The following TLN2 variants were observed in gnomAD, a reference collection of about 807,000 sequenced individuals.
TLN2 encodes the protein talin-2.
TLN2 carries 118 observed loss-of-function variants against 294.7 expected under a neutral mutation model. The ratio of observed to expected loss-of-function variants is 0.40; its 90% CI spans 0.34 to 0.47. The LOEUF (loss-of-function observed/expected upper bound fraction) is 0.47. TLN2 is among the 20% of genes least tolerant of loss of function. The pLI, the probability that TLN2 is intolerant of heterozygous loss-of-function variation, is 0.84. For missense variants in TLN2, 3,083 were observed against 3,282.2 expected, an observed-to-expected ratio of 0.94 and a Z score of 1.48; for synonymous variants, 1,431 against 1,304.5, an observed-to-expected ratio of 1.10 and a Z score of -2.09.
At chr15:62,726,806 G>A (rs2060466382) in intron 27 of TLN2, among the ~76,000 whole-genome samples, 1 of 152,138 alleles carries the variant, frequency 6.6e-6, no homozygotes, top group Non-Finnish European at 1.5e-5. Context: ...TAGGTATTAT[G>A]ATCTCCTCAG....
chr15:62,715,728 A>C (rs2059727420), intron 22 of TLN2, among the ~76,000 whole-genome samples: 1 of 152,190 alleles, frequency 6.6e-6, no homozygotes, highest in Non-Finnish European at 1.5e-5. Context: ...ACATTTGGAT[A>C]CCATCTCGAC....
chr15:62,538,826 G>C (rs2041509097), intron 1 of TLN2, among the ~76,000 whole-genome samples: 1 of 152,064 alleles, frequency 6.6e-6, no homozygotes, highest in Admixed American at 6.6e-5. Context: ...CAATTTCTAA[G>C]AACAAATGGA....
At chr15:62,636,467 G>C (rs914108669) in intron 3 of TLN2, among the ~76,000 whole-genome samples, 8 of 152,170 alleles carry the variant, frequency 5.3e-5, no homozygotes, top group Non-Finnish European at 1.0e-4. Context: ...TTCTTGGTTT[G>C]TTTCAGTTCT....
At chr15:62,745,018 A>C (rs527880962) in intron 32 of TLN2, among the ~76,000 whole-genome samples, 11 of 152,264 alleles carry the variant, frequency 7.2e-5, no homozygotes, top group Admixed American at 6.5e-4. Context: ...GACTTGTGCT[A>C]AATAGGTAAT....
At chr15:62,492,749 A>G (rs2140412163) in intron 1 of TLN2, among the ~76,000 whole-genome samples, 1 of 152,264 alleles carries the variant, frequency 6.6e-6, no homozygotes, top group South Asian at 2.1e-4. Context: ...TTTATTTCCC[A>G]TTCATTTATT....
rs145172936 is a variant in TLN2 at position 62,521,161 on chromosome 15, G to T, written c.-237-68526G>T. Among the ~76,000 whole-genome samples the T allele has an allele frequency of 1.3e-3, 201 of 152,142 alleles. 1 individual carries two copies. The highest frequency in any genetic ancestry group is 4.7e-3 in the African/African-American group (196 of 41,512). On this transcript the variant is annotated intron_variant, in intron 1 of 58. Coordinates refer to ENST00000636159, the MANE Select transcript of TLN2 (RefSeq NM_015059.3). ...AAATCTGAAGCTTGAAGGGAAAGAG[G>T]ATCATAAGAATAGTTTTGTGGTGAA... is the stretch of plus-strand genomic sequence containing the variant.
At chr15:62,799,876 C>G (rs1424905374) in intron 48 of TLN2, among the ~76,000 whole-genome samples, 2 of 152,178 alleles carry the variant, frequency 1.3e-5, no homozygotes, top group East Asian at 3.8e-4. Flanking sequence ...AGGTCCGAAA[C>G]AGGAATGAGT....
At chr15:62,685,642 A>G (rs1234082090) in intron 11 of TLN2, among the ~76,000 whole-genome samples, 4 of 152,224 alleles carry the variant, frequency 2.6e-5, no homozygotes, top group Non-Finnish European at 5.9e-5. Context: ...ATTAATTTTA[A>G]TAAGAAACCT....
chr15:62,636,279 TA>T lies in TLN2; in HGVS notation c.-36-10995del, dbSNP rs1375996927. Reference sequence around the variant, plus strand: ...ATAGATAGATAGATAGATAGATAGATAGAGTTTAACTAAAACATTGCAAGTT... The same window carrying T: ...ATAGATAGATAGATAGATAGATAGATGAGTTTAACTAAAACATTGCAAGTT... On this transcript the variant is annotated intron_variant, in intron 3 of 58. Coordinates refer to ENST00000636159, the MANE Select transcript of TLN2 (RefSeq NM_015059.3). 2.2e-5 allele frequency among the ~76,000 whole-genome samples: 3 copies of T among 136,800 alleles called. No homozygotes were observed. In the East Asian group the frequency reaches 6.2e-4, roughly 28 times the overall value. 89.7% of individuals were successfully genotyped at this position (136,800 alleles called of 152,430 possible).
At chr15:62,731,993 G>T (rs1327384754) in intron 28 of TLN2, among the ~76,000 whole-genome samples, 1 of 152,094 alleles carries the variant, frequency 6.6e-6, no homozygotes, top group African/African-American at 2.4e-5. Flanking sequence ...GCAATAATAA[G>T]AATGCAAAAT....
At chr15:62,623,698 G>A (rs1265716310) in intron 3 of TLN2, among the ~76,000 whole-genome samples, 1 of 152,104 alleles carries the variant, frequency 6.6e-6, no homozygotes, top group Non-Finnish European at 1.5e-5. Flanking sequence ...TTGTTTCTTG[G>A]CAAGTTGACC....
intron 1 of TLN2, among the ~76,000 whole-genome samples, chr15:62,447,878 G>A (rs2140315393): frequency 6.6e-6 from 1 of 152,300 alleles, no homozygotes; most frequent in East Asian, 1.9e-4. Context: ...TTCCTGCTAT[G>A]TCCCATTACA....
In TLN2 at chr15:62,797,342, G is replaced by A; in HGVS notation, c.6174G>A (p.Gln2058=). Residue 2058 remains glutamine (Q), a synonymous_variant, in exon 48 of 59, where the codon CAG becomes CAA. Transcript: ENST00000636159. Reference sequence around the variant, plus strand: ...AGTCCTCAGCAGCCACCATCACCCAGCTCGCAGAAGTGGTCAAGCTGGGGG... The same window carrying A: ...AGTCCTCAGCAGCCACCATCACCCAACTCGCAGAAGTGGTCAAGCTGGGGG... ...AAQSSAATIT[Q]LAEVVKLGAA... The A allele has an allele frequency of 6.2e-7, 1 of 1,613,498 alleles. No homozygotes were observed. Among genetic ancestry groups the A allele is most frequent in the Middle Eastern group, 1.7e-4 (1 of 5,928 alleles).
chr15:62,551,559 TGTG>T (rs1205310980), intron 1 of TLN2, among the ~76,000 whole-genome samples: 1 of 149,634 alleles, frequency 6.7e-6, no homozygotes, highest in Non-Finnish European at 1.5e-5. Flanking sequence ...AATAGCCAGA[TGTG>T]GTGGCAGGCA....
chr15:62,708,370 A>T, intron 20 of TLN2, 132 bp from the exon 21 acceptor site: 1 of 861,914 alleles, frequency 1.2e-6, no homozygotes, highest in Non-Finnish European at 1.8e-6. Flanking sequence ...GTAAGTAAGA[A>T]ACCGAGCAGT....
intron 40 of TLN2, among the ~76,000 whole-genome samples, chr15:62,764,105 A>G (rs2062843856): frequency 6.6e-6 from 1 of 152,224 alleles, no homozygotes; most frequent in Non-Finnish European, 1.5e-5. Flanking sequence ...CCAATTCAGC[A>G]TTAAACGAAT....
In TLN2 at chr15:62,673,859, A is replaced by G; in HGVS notation, c.821A>G (p.Lys274Arg). The change falls in exon 10 of 59, where the codon AAG (lysine) becomes AGG (arginine). Residue 274 changes from lysine to arginine, a missense_variant. Transcript: ENST00000636159. The part of the protein sequence containing the change: ...LKEFLPKEYI[K>R]QRGAEKRIFQ... ...GAATTCCTGCCCAAAGAATATATCA[A>G]GCAGAGAGGAGCTGAAAAGAGGATC... The G allele has an allele frequency of 6.2e-7, 1 of 1,613,516 alleles. No homozygotes were observed. The highest frequency in any genetic ancestry group is 8.5e-7 in the Non-Finnish European group (1 of 1,179,674).
chr15:62,423,667 GTCT>G (rs2034543534), intron 1 of TLN2, among the ~76,000 whole-genome samples: 1 of 151,344 alleles, frequency 6.6e-6, no homozygotes, highest in Admixed American at 6.6e-5. Flanking sequence ...TGCAATATCC[GTCT>G]CCTGGGTTCA....
At chr15:62,802,934 A>G (rs1250110191) in intron 50 of TLN2, among the ~76,000 whole-genome samples, 1 of 151,898 alleles carries the variant, frequency 6.6e-6, no homozygotes, top group African/African-American at 2.4e-5. Context: ...ATTTTTTCCT[A>G]TAGAATTGTT....
Sources: allele counts gnomAD v4.1 joint callset (sites outside exome capture counted in the v4.1 genomes callset), GRCh38; gene constraint gnomAD v4.1.1; transcripts MANE v1.5; gene names NCBI Gene and HGNC (gene_info 2026-07-23, HGNC 2026-07-21).